The following SEL1L3 variants were observed in gnomAD, a reference collection of about 807,000 sequenced individuals.
SEL1L3 encodes the protein protein sel-1 homolog 3.
In SEL1L3, 76 loss-of-function variants were observed where a neutral mutation model predicts 142.8. That is an observed-to-expected ratio of 0.53 (90% CI 0.44 to 0.64). SEL1L3 has a LOEUF of 0.64. Among genes scored for constraint, SEL1L3 ranks in the 30% least tolerant of loss-of-function variants. The probability of loss-of-function intolerance (pLI) is 0.00; values close to 1 mark genes in which losing one functional copy is unlikely to be tolerated. For missense variants in SEL1L3, 1,262 were observed against 1,381.7 expected (o/e 0.91, Z 1.37); for synonymous variants, 504 against 519.6 (o/e 0.97, Z 0.41).
chr4:25,785,376 C>A (rs952063743), intron 13 of SEL1L3, among the ~76,000 whole-genome samples: 1 of 152,254 alleles, frequency 6.6e-6, no homozygotes, highest in African/African-American at 2.4e-5. Context: ...GAAATGGGGG[C>A]AGAATTTGAA....
intron 20 of SEL1L3, among the ~76,000 whole-genome samples, chr4:25,764,025 G>C (rs999071503): frequency 7.9e-5 from 12 of 152,224 alleles, no homozygotes; most frequent in African/African-American, 2.9e-4. Context: ...AGGATTCCAA[G>C]TAGCAAATGT....
intron 9 of SEL1L3, among the ~76,000 whole-genome samples, chr4:25,814,500 T>C (rs1223051445): frequency 2.0e-5 from 3 of 152,168 alleles, no homozygotes; most frequent in Admixed American, 2.0e-4. Context: ...AAAAATGTAA[T>C]ACAATGAGGA....
chr4:25,854,388 G>A (rs753746848), intron 1 of SEL1L3, among the ~76,000 whole-genome samples: 1 of 151,860 alleles, frequency 6.6e-6, no homozygotes, highest in East Asian at 1.9e-4. Flanking sequence ...AGTGATTCTC[G>A]TGCCTCAGCC....
At chr4:25,767,887 G>A in intron 17 of SEL1L3, 57 bp from the exon 18 acceptor site, 1 of 1,102,246 alleles carries the variant, frequency 9.1e-7, no homozygotes, top group Non-Finnish European at 1.3e-6. Flanking sequence ...AATATTCACA[G>A]AGAGCTTTAC....
intron 13 of SEL1L3, among the ~76,000 whole-genome samples, chr4:25,784,645 A>C (rs1183920801): frequency 6.6e-6 from 1 of 152,214 alleles, no homozygotes; most frequent in African/African-American, 2.4e-5. Flanking sequence ...TGCCAGCCAG[A>C]AAAAGCACTT....
chr4:25,775,789 G>C (rs1719571552), intron 17 of SEL1L3, among the ~76,000 whole-genome samples: 1 of 152,180 alleles, frequency 6.6e-6, no homozygotes, highest in South Asian at 2.1e-4. Context: ...ATTGGATACT[G>C]GACTTCCAAC....
chr4:25,805,518 T>C (rs911944599), intron 9 of SEL1L3, among the ~76,000 whole-genome samples: 7 of 151,784 alleles, frequency 4.6e-5, no homozygotes, highest in African/African-American at 1.7e-4. Context: ...GAAAAGTCAA[T>C]CAGTTGCCTT....
chr4:25,763,587 C>T (rs1327083366), intron 20 of SEL1L3, among the ~76,000 whole-genome samples: 1 of 152,128 alleles, frequency 6.6e-6, no homozygotes, highest in East Asian at 1.9e-4. Context: ...GTGACTCATG[C>T]CTGTAATCCC....
chr4:25,810,428 A>G (rs1415140613), intron 9 of SEL1L3, among the ~76,000 whole-genome samples: 1 of 152,152 alleles, frequency 6.6e-6, no homozygotes, highest in Non-Finnish European at 1.5e-5. Context: ...CCAGAGCCCC[A>G]TTCAAAGGGT....
At chr4:25,832,674 A>G (rs543277307) in intron 5 of SEL1L3, among the ~76,000 whole-genome samples, 1 of 152,338 alleles carries the variant, frequency 6.6e-6, no homozygotes, top group African/African-American at 2.4e-5. Context: ...TTGTTTTAAC[A>G]TTTATCTCCA....
chr4:25,814,312 A>G (rs1263067606), intron 9 of SEL1L3, among the ~76,000 whole-genome samples: 2 of 152,174 alleles, frequency 1.3e-5, no homozygotes, highest in Non-Finnish European at 2.9e-5. Flanking sequence ...CGTAGGGGGC[A>G]CTCAGTCAAT....
chr4:25,767,190 C>T (rs933963076), intron 19 of SEL1L3, among the ~76,000 whole-genome samples: 1 of 152,046 alleles, frequency 6.6e-6, no homozygotes, highest in African/African-American at 2.4e-5. Context: ...GCTACTCGGG[C>T]AGGAGAATCA....
At chr4:25,801,626 A>G (rs773845499) in intron 11 of SEL1L3, among the ~76,000 whole-genome samples, 3 of 152,122 alleles carry the variant, frequency 2.0e-5, no homozygotes, top group Non-Finnish European at 2.9e-5. Context: ...TTTTTTGTCC[A>G]ATGAATCAAT....
chr4:25,836,373 G>A (rs748283075), intron 2 of SEL1L3, among the ~76,000 whole-genome samples: 4 of 152,240 alleles, frequency 2.6e-5, no homozygotes, highest in Middle Eastern at 3.4e-3. Flanking sequence ...TTGGCTGGGC[G>A]TGGTGGCTCA....
chr4:25,722,512 A>T, the SEL1L3 span, among the ~76,000 whole-genome samples: 1 of 152,178 alleles, frequency 6.6e-6, no homozygotes, highest in Non-Finnish European at 1.5e-5. Flanking sequence ...TGAGCTGCGC[A>T]AAGTCAGACA....
downstream of SEL1L3, among the ~76,000 whole-genome samples, chr4:25,746,502 A>C (rs1336094296): frequency 2.4e-5 from 3 of 126,220 alleles, no homozygotes; most frequent in South Asian, 5.1e-4. Flanking sequence ...GAGCAATATT[A>C]TCTAAATATA....
intron 5 of SEL1L3, among the ~76,000 whole-genome samples, chr4:25,831,508 AT>A (rs1715438522): frequency 1.3e-5 from 1 of 75,198 alleles, no homozygotes; most frequent in African/African-American, 5.3e-5. Context: ...AATAATAATA[AT>A]AATTATTATT....
chr4:25,756,990 G>A, intron 23 of SEL1L3: 1 of 1,192,006 alleles, frequency 8.4e-7, no homozygotes, highest in South Asian at 1.6e-5. Flanking sequence ...TTTTGAGGCT[G>A]GGTGCAGTGG....
chr4:25,760,831 T>G (rs1223034217), intron 20 of SEL1L3, among the ~76,000 whole-genome samples: 1 of 152,232 alleles, frequency 6.6e-6, no homozygotes, highest in Non-Finnish European at 1.5e-5. Context: ...TTCTGCTTTT[T>G]ATATTTATTC....
Sources: allele counts gnomAD v4.1 joint callset (sites outside exome capture counted in the v4.1 genomes callset), GRCh38; gene constraint gnomAD v4.1.1; transcripts MANE v1.5; gene names NCBI Gene and HGNC (gene_info 2026-07-23, HGNC 2026-07-21).